OSBPL9: variants seen among roughly 807,000 people sequenced by gnomAD.
OSBPL9 encodes oxysterol-binding protein-related protein 9.
Under a neutral mutation model 106.6 loss-of-function variants are expected in OSBPL9, and 40 were observed. The observed-to-expected ratio is 0.38, with a 90% CI of 0.29 to 0.49. The LOEUF (loss-of-function observed/expected upper bound fraction) is 0.49, where lower values mean the gene tolerates loss of function less well. Among genes scored for constraint, OSBPL9 ranks in the 20% least tolerant of loss-of-function variants. The probability of loss-of-function intolerance (pLI) is 0.97; values close to 1 mark genes in which losing one functional copy is unlikely to be tolerated. For missense variants in OSBPL9, 609 were observed against 887.2 expected (o/e 0.69, Z 3.98); for synonymous variants, 269 against 295.4 (o/e 0.91, Z 0.92).
At chr1:51,619,498 T>G (rs1482199337) in intron 1 of OSBPL9, among the ~76,000 whole-genome samples, 3 of 152,046 alleles carry the variant, frequency 2.0e-5, no homozygotes, top group African/African-American at 7.3e-5. Context: ...TGAGACTAGA[T>G]TCCCTAAAAT....
chr1:51,643,920 G>GA (rs931248365), intron 1 of OSBPL9, among the ~76,000 whole-genome samples: 15 of 147,262 alleles, frequency 1.0e-4, no homozygotes, highest in Admixed American at 8.1e-4. Flanking sequence ...TCTCTACAAG[G>GA]AAAAAAAAAA....
At chr1:51,752,287 G>A (rs1038179454) in intron 8 of OSBPL9, among the ~76,000 whole-genome samples, 32 of 144,218 alleles carry the variant, frequency 2.2e-4, no homozygotes, top group African/African-American at 6.6e-4. Context: ...TTCCCTCCAC[G>A]TGGAGGGCAT....
At chr1:51,640,616 G>A (rs1487055999) in intron 1 of OSBPL9, among the ~76,000 whole-genome samples, 9 of 152,130 alleles carry the variant, frequency 5.9e-5, no homozygotes, top group Non-Finnish European at 1.2e-4. Flanking sequence ...GTGTTGAATA[G>A]CTTGAATTGG....
At chr1:51,664,044 A>G (rs1026691525) in intron 2 of OSBPL9, among the ~76,000 whole-genome samples, 4 of 152,182 alleles carry the variant, frequency 2.6e-5, no homozygotes, top group African/African-American at 9.7e-5. Flanking sequence ...AGCTGACACA[A>G]CCACTTTTGA....
chr1:51,749,877 TAAA>T (rs1218791347), intron 7 of OSBPL9, among the ~76,000 whole-genome samples: 1 of 131,492 alleles, frequency 7.6e-6, no homozygotes, highest in African/African-American at 2.8e-5. Flanking sequence ...CCTTGTCTCT[TAAA>T]AAAAAAAAAA....
In OSBPL9 at chr1:51,725,089, T is replaced by C. The variant is rs575216113; in HGVS notation, c.318+11010T>C. On this transcript the variant is annotated intron_variant, in intron 4 of 23. Transcript: ENST00000428468. ...TGCTTTTGTGGTTGTCGTACAGTTA[T>C]TGGATATTTTGTTCCAGGCTTTTTT... is the stretch of plus-strand genomic sequence containing the variant. Among the ~76,000 whole-genome samples, 4 of 152,166 alleles carry C rather than the reference T, an allele frequency of 2.6e-5. No homozygotes were observed. The East Asian group carries it at 5.8e-4, about 22-fold the overall frequency.
At chr1:51,663,066 T>G (rs1647470985) in intron 2 of OSBPL9, among the ~76,000 whole-genome samples, 1 of 152,090 alleles carries the variant, frequency 6.6e-6, no homozygotes, top group South Asian at 2.1e-4. Context: ...TTCTGTATAC[T>G]AACAACTGGC....
In OSBPL9 at chr1:51,641,061, T is replaced by TA. The variant is rs372821735; in HGVS notation, c.112-10929dup. ...GCCTCAGCCTCCAAAATGCTGAAAT[T>TA]ACAGGTGTGAGCCACTGTGCGTTGC... On this transcript the variant is annotated intron_variant, in intron 1 of 23. Coordinates refer to ENST00000428468, the MANE Select transcript of OSBPL9 (RefSeq NM_024586.6). Among the ~76,000 whole-genome samples, 349 of 152,302 alleles carry TA rather than the reference T, an allele frequency of 2.3e-3. 4 individuals carry two copies. Among genetic ancestry groups the TA allele is most frequent in the African/African-American group, 8.2e-3 (341 of 41,578 alleles).
chr1:51,603,827 G>C (rs1191703242), intron 2 of OSBPL9, among the ~76,000 whole-genome samples: 2 of 152,120 alleles, frequency 1.3e-5, no homozygotes, highest in Non-Finnish European at 2.9e-5. Context: ...AGTAAACCCG[G>C]GTAGGAGTTG....
chr1:51,733,320 T>C (rs1443006066), intron 4 of OSBPL9, among the ~76,000 whole-genome samples: 1 of 152,186 alleles, frequency 6.6e-6, no homozygotes, highest in Non-Finnish European at 1.5e-5. Context: ...GTGATCAAAA[T>C]ATGTGACGAT....
intron 17 of OSBPL9, among the ~76,000 whole-genome samples, chr1:51,783,466 G>A (rs747812582): frequency 1.4e-4 from 21 of 151,716 alleles, no homozygotes; most frequent in South Asian, 2.1e-4. Flanking sequence ...GATTGCAGGC[G>A]TTAGCCACTG....
Position 51,788,588 on chromosome 1 carries a change from C to T in OSBPL9, c.*799C>T, listed in dbSNP as rs985995439. 6.6e-6 allele frequency: 1 copy of T among 152,234 alleles called. No individual in the cohort carries two copies. The highest frequency in any genetic ancestry group is 6.5e-5 in the Admixed American group (1 of 15,276). The allele number at this position is 152,234 out of a possible 1,614,324, so 9.4% of individuals were successfully genotyped here. A position where few individuals can be genotyped will look rare whatever the true frequency, so the allele number is the denominator to read the frequency against. ...GAAATAATGGAGGATCCATTCTTTT[C>T]CTCTGTCAGATTGTATGTTCTGTCT... is the stretch of plus-strand genomic sequence containing the variant. On this transcript the variant is annotated 3_prime_UTR_variant, in exon 24 of 24. Coordinates refer to ENST00000428468, the MANE Select transcript of OSBPL9 (RefSeq NM_024586.6).
chr1:51,632,799 C>T (rs977781086), intron 1 of OSBPL9, among the ~76,000 whole-genome samples: 3 of 151,982 alleles, frequency 2.0e-5, no homozygotes, highest in African/African-American at 7.3e-5. Context: ...ATTTTATCAC[C>T]TGAAAGAGGA....
rs2149170691 is a variant in OSBPL9, at chr1:51,787,339, C to T, written c.2001-14C>T. ...TTCTCAACATTGGCAGCTCCTCTTA[C>T]CTCTTTGTTTTAGCCTTTGGAAGGA... On this transcript the variant is annotated splice_polypyrimidine_tract_variant and intron_variant, in intron 22 of 23. Coordinates refer to ENST00000428468, the MANE Select transcript of OSBPL9 (RefSeq NM_024586.6). 2.5e-6 allele frequency: 4 copies of T among 1,612,632 alleles called. No homozygotes were observed. Among genetic ancestry groups the T allele is most frequent in the Non-Finnish European group, 3.4e-6 (4 of 1,178,820 alleles).
At chr1:51,779,709 C>CAA (rs1326898977) in intron 15 of OSBPL9, among the ~76,000 whole-genome samples, 1 of 151,866 alleles carries the variant, frequency 6.6e-6, no homozygotes, top group East Asian at 1.9e-4. Flanking sequence ...AAAACAAAAA[C>CAA]AAAAACAAAT....
intron 10 of OSBPL9, 72 bp from the exon 11 acceptor site, chr1:51,761,795 C>A: frequency 8.5e-7 from 1 of 1,182,368 alleles, no homozygotes. Flanking sequence ...TTTTGAATCC[C>A]AGACAATTAC....
intron 8 of OSBPL9, among the ~76,000 whole-genome samples, chr1:51,751,026 G>A (rs996292563): frequency 6.6e-6 from 1 of 152,186 alleles, no homozygotes; most frequent in Non-Finnish European, 1.5e-5. Context: ...CATTTGGATA[G>A]TAAGGATATT....
chr1:51,754,005 C>T (rs1164790978), intron 8 of OSBPL9, among the ~76,000 whole-genome samples: 1 of 152,210 alleles, frequency 6.6e-6, no homozygotes, highest in African/African-American at 2.4e-5. Context: ...TTTGTTATCT[C>T]AGAAGACATC....
At chr1:51,679,892 TA>T (rs1652126800) in intron 3 of OSBPL9, among the ~76,000 whole-genome samples, 1 of 152,232 alleles carries the variant, frequency 6.6e-6, no homozygotes. Flanking sequence ...ATTTATAAGT[TA>T]AACTTTATTA....
Sources: allele counts gnomAD v4.1 joint callset (sites outside exome capture counted in the v4.1 genomes callset), GRCh38; gene constraint gnomAD v4.1.1; transcripts MANE v1.5; gene names NCBI Gene and HGNC (gene_info 2026-07-23, HGNC 2026-07-21).